PDZRN4: variants seen among roughly 807,000 people sequenced by gnomAD.
PDZRN4 encodes the protein PDZ domain containing ring finger 4, also known as PDZ domain-containing RING finger protein 4.
Under a neutral mutation model 99.0 loss-of-function variants are expected in PDZRN4, and 70 were observed. The ratio of observed to expected loss-of-function variants is 0.71; its 90% CI spans 0.58 to 0.86. PDZRN4 has a LOEUF of 0.86. PDZRN4 is among the 40% of genes least tolerant of loss of function. The probability of loss-of-function intolerance (pLI) is 0.00; values close to 1 mark genes in which losing one functional copy is unlikely to be tolerated. For missense variants in PDZRN4, 1,474 were observed against 1,331.2 expected, an observed-to-expected ratio of 1.11 and a Z score of -1.67; for synonymous variants, 551 against 501.6, an observed-to-expected ratio of 1.10 and a Z score of -1.32.
rs1190295592 is a variant in PDZRN4, at chr12:41,339,214, C to T, written c.843+145026C>T. Among the ~76,000 whole-genome samples the T allele has an allele frequency of 2.0e-5, 3 of 151,428 alleles. No homozygotes were observed. The South Asian group carries it at 6.2e-4, about 31-fold the overall frequency. On this transcript the variant is annotated intron_variant, in intron 3 of 9. Coordinates refer to ENST00000402685, the MANE Select transcript of PDZRN4 (RefSeq NM_001164595.2). Reference sequence around the variant, plus strand: ...GGTAACCAAAACAGCACAGCCCTGGCATTAAAAACAAACACATAGACGAAT... The same window carrying T: ...GGTAACCAAAACAGCACAGCCCTGGTATTAAAAACAAACACATAGACGAAT...
At chr12:41,225,518 G>A (rs902802541) in intron 3 of PDZRN4, among the ~76,000 whole-genome samples, 6 of 151,484 alleles carry the variant, frequency 4.0e-5, no homozygotes, top group Non-Finnish European at 5.9e-5. Context: ...TTATAATTTA[G>A]TGCTTTATAC....
intron 3 of PDZRN4, among the ~76,000 whole-genome samples, chr12:41,226,454 A>G (rs1950995600): frequency 6.6e-6 from 1 of 152,066 alleles, no homozygotes; most frequent in African/African-American, 2.4e-5. Flanking sequence ...CAGAGCAAAG[A>G]CTGGTACCTA....
chr12:41,227,898 C>T (rs1566375533), intron 3 of PDZRN4, among the ~76,000 whole-genome samples: 3 of 151,688 alleles, frequency 2.0e-5, no homozygotes, highest in Admixed American at 6.6e-5. Flanking sequence ...CACACACACA[C>T]ACACACACAC....
chr12:41,298,098 C>A (rs2120924587), intron 3 of PDZRN4, among the ~76,000 whole-genome samples: 1 of 152,178 alleles, frequency 6.6e-6, no homozygotes, highest in South Asian at 2.1e-4. Flanking sequence ...CTAGTCTAAA[C>A]CTATGTTTTA....
At chr12:41,306,029 C>T (rs1951567270) in intron 3 of PDZRN4, among the ~76,000 whole-genome samples, 1 of 152,178 alleles carries the variant, frequency 6.6e-6, no homozygotes, top group South Asian at 2.1e-4. Flanking sequence ...CAGGCATTCT[C>T]ATTCCAAAAG....
intron 3 of PDZRN4, among the ~76,000 whole-genome samples, chr12:41,216,548 T>C (rs1950922199): frequency 6.6e-6 from 1 of 152,054 alleles, no homozygotes; most frequent in South Asian, 2.1e-4. Context: ...GAGTATCTTT[T>C]AAATTAACTA....
At chr12:41,459,829 A>C in intron 3 of PDZRN4, 2 of 640,652 alleles carry the variant, frequency 3.1e-6, no homozygotes, top group Middle Eastern at 5.4e-4. Flanking sequence ...CATCATGTAC[A>C]TTCAGGGGTA....
At chr12:41,411,075 T>A (rs1433548078) in intron 3 of PDZRN4, among the ~76,000 whole-genome samples, 1 of 149,196 alleles carries the variant, frequency 6.7e-6, no homozygotes, top group Non-Finnish European at 1.5e-5. Context: ...ATATTTTTTT[T>A]TTATTTGTAA....
At chr12:41,431,316 G>T (rs1952584260) in intron 3 of PDZRN4, among the ~76,000 whole-genome samples, 1 of 152,118 alleles carries the variant, frequency 6.6e-6, no homozygotes, top group South Asian at 2.1e-4. Context: ...TGTATAGTAG[G>T]TGCTATTATT....
intron 3 of PDZRN4, among the ~76,000 whole-genome samples, chr12:41,408,217 T>C (rs1229500427): frequency 6.6e-6 from 1 of 152,216 alleles, no homozygotes; most frequent in African/African-American, 2.4e-5. Flanking sequence ...TTGTATTCTA[T>C]AAAGAAAGGA....
At chr12:41,505,193 G>A (rs939825038) in intron 3 of PDZRN4, among the ~76,000 whole-genome samples, 1 of 151,986 alleles carries the variant, frequency 6.6e-6, no homozygotes, top group African/African-American at 2.4e-5. Flanking sequence ...TCTTTTTTAG[G>A]CACCCAGGGA....
At chr12:41,350,307 T>C (rs1951881203) in intron 3 of PDZRN4, among the ~76,000 whole-genome samples, 1 of 152,002 alleles carries the variant, frequency 6.6e-6, no homozygotes. Context: ...AATTCCAGAG[T>C]TTAGTGTTTT....
At chr12:41,444,680 C>G (rs2733290) in intron 3 of PDZRN4, among the ~76,000 whole-genome samples, 82,300 of 151,870 alleles carry the variant, frequency 0.54, 23,409 homozygotes, top group African/African-American at 0.74. Flanking sequence ...TATCACTGGA[C>G]TAAAGCTTTT....
intron 3 of PDZRN4, among the ~76,000 whole-genome samples, chr12:41,300,601 C>G (rs903484323): frequency 5.9e-5 from 9 of 151,770 alleles, no homozygotes; most frequent in African/African-American, 1.9e-4. Context: ...GAAATGACCT[C>G]TAATAAAGAT....
intron 3 of PDZRN4, among the ~76,000 whole-genome samples, chr12:41,458,530 T>G (rs1365103085): frequency 2.0e-5 from 3 of 152,214 alleles, no homozygotes; most frequent in Non-Finnish European, 4.4e-5. Context: ...AGATCTATGC[T>G]CAGCTATAAT....
intron 3 of PDZRN4, chr12:41,438,035 A>G (rs762298864): frequency 6.2e-7 from 1 of 1,611,580 alleles, no homozygotes; most frequent in Non-Finnish European, 8.5e-7. Flanking sequence ...GTCTGATACC[A>G]GCAACTAAGA....
At chr12:41,425,014 C>T (rs1201986106) in intron 3 of PDZRN4, among the ~76,000 whole-genome samples, 1 of 152,028 alleles carries the variant, frequency 6.6e-6, no homozygotes, top group Non-Finnish European at 1.5e-5. Flanking sequence ...CACAAAGACT[C>T]TGACACAATT....
chr12:41,436,128 C>T (rs1206451002), intron 3 of PDZRN4, among the ~76,000 whole-genome samples: 2 of 152,208 alleles, frequency 1.3e-5, no homozygotes, highest in Non-Finnish European at 2.9e-5. Flanking sequence ...ATATCTCCTA[C>T]AAGTGGTTTC....
At chr12:41,551,815 T>C (rs1196700066) in intron 5 of PDZRN4, among the ~76,000 whole-genome samples, 1 of 152,242 alleles carries the variant, frequency 6.6e-6, no homozygotes, top group East Asian at 1.9e-4. Flanking sequence ...CTTGGAAATA[T>C]GTAATTTATC....
Sources: gnomAD v4.1 joint callset for allele counts (sites outside exome capture counted in the v4.1 genomes callset) on GRCh38, gnomAD v4.1.1 for gene constraint, MANE v1.5 for transcripts, NCBI Gene and HGNC (gene_info 2026-07-23, HGNC 2026-07-21) for gene names.